Variants in PRKG1 observed in about 807,000 individuals in gnomAD.
The protein encoded by PRKG1 is cGMP-dependent protein kinase 1.
Under a neutral mutation model 88.1 loss-of-function variants are expected in PRKG1, and 35 were observed. The ratio of observed to expected loss-of-function variants is 0.40; its 90% confidence interval spans 0.30 to 0.53. PRKG1 has a LOEUF of 0.53. Ranked by LOEUF, PRKG1 falls within the 20% of genes least tolerant of loss-of-function variation. The pLI is 0.59. For missense variants in PRKG1, 540 were observed against 839.8 expected (o/e 0.64, Z 4.41); for synonymous variants, 303 against 292.5 (o/e 1.04, Z -0.37).
intron 2 of PRKG1, among the ~76,000 whole-genome samples, chr10:51,451,655 A>G (rs561715628): frequency 6.6e-6 from 1 of 152,144 alleles, no homozygotes; most frequent in African/African-American, 2.4e-5. Flanking sequence ...TCTTTGCAGT[A>G]TAGTTTGATA....
At chr10:51,268,769 G>A (rs921393016) in intron 2 of PRKG1, among the ~76,000 whole-genome samples, 13 of 152,150 alleles carry the variant, frequency 8.5e-5, no homozygotes, top group African/African-American at 3.1e-4. Context: ...AGAGATTAAA[G>A]TAAAGACAGG....
intron 9 of PRKG1, among the ~76,000 whole-genome samples, chr10:52,182,911 G>A (rs115959273): frequency 1.3e-5 from 2 of 152,302 alleles, no homozygotes; most frequent in African/African-American, 2.4e-5. Context: ...TATGGCACTA[G>A]CACCTGCTTA....
At chr10:52,239,482 AG>A (rs1421498466) in intron 9 of PRKG1, among the ~76,000 whole-genome samples, 3 of 144,636 alleles carry the variant, frequency 2.1e-5, no homozygotes, top group Non-Finnish European at 3.0e-5. Context: ...AATATATATG[AG>A]GAAAAAAATA....
chr10:51,807,089 C>G lies in PRKG1; in HGVS notation c.698+2399C>G, dbSNP rs139743474. ...CCTTAAGCTTATTTCTACTTCTAGA[C>G]TATAAGCTGTTTAGAACTAGGGTTA... is the stretch of plus-strand genomic sequence containing the variant. On this transcript the variant is annotated intron_variant, in intron 4 of 17. Coordinates refer to ENST00000373980, the MANE Select transcript of PRKG1 (RefSeq NM_006258.4). 2.3e-4 allele frequency among the ~76,000 whole-genome samples: 35 copies of G among 152,276 alleles called. No homozygotes were observed. The East Asian group carries it at 6.8e-3, about 29-fold the overall frequency.
At chr10:51,776,571 A>G (rs1838442452) in intron 3 of PRKG1, among the ~76,000 whole-genome samples, 2 of 152,124 alleles carry the variant, frequency 1.3e-5, no homozygotes, top group East Asian at 1.9e-4. Flanking sequence ...ATGCCTGTAA[A>G]CCCAGTACTT....
At position 51,800,704 on chromosome 10, in the gene PRKG1, G is replaced by T. The variant is rs1839149341; in HGVS notation, c.593-3881G>T. 5.9e-5 allele frequency among the ~76,000 whole-genome samples: 9 copies of T among 152,220 alleles called. No individual in the cohort carries two copies. The South Asian group carries it at 1.7e-3, about 28-fold the overall frequency. On this transcript the variant is annotated intron_variant, in intron 3 of 17. Coordinates refer to ENST00000373980, the MANE Select transcript of PRKG1 (RefSeq NM_006258.4). Reference sequence around the variant, plus strand: ...ATAGTTCTGGAGGCTAGAAGCCCAAGATAAGGGTACCAGAGAGGCTGGCTT... The same window carrying T: ...ATAGTTCTGGAGGCTAGAAGCCCAATATAAGGGTACCAGAGAGGCTGGCTT...
intron 2 of PRKG1, among the ~76,000 whole-genome samples, chr10:51,241,830 A>G (rs2132125647): frequency 6.6e-6 from 1 of 152,248 alleles, no homozygotes; most frequent in African/African-American, 2.4e-5. Context: ...ACCTGATGAA[A>G]ACACCCTTAA....
At chr10:51,080,275 C>T (rs969900052) in intron 1 of PRKG1, among the ~76,000 whole-genome samples, 106 of 152,294 alleles carry the variant, frequency 7.0e-4, no homozygotes, top group African/African-American at 2.5e-3. Flanking sequence ...TAGAATGGCT[C>T]TACTACCTGC....
At chr10:51,514,479 T>C (rs1469993468) in intron 3 of PRKG1, among the ~76,000 whole-genome samples, 1 of 152,174 alleles carries the variant, frequency 6.6e-6, no homozygotes, top group African/African-American at 2.4e-5. Flanking sequence ...AGTAAGATAT[T>C]GATTAGCCTC....
intron 1 of PRKG1, among the ~76,000 whole-genome samples, chr10:51,012,352 C>T (rs562930798): frequency 7.2e-5 from 11 of 152,290 alleles, no homozygotes; most frequent in Non-Finnish European, 1.3e-4. Flanking sequence ...AAAATCTTAA[C>T]GTCTTAAGGT....
chr10:51,191,912 A>G (rs1033723376), intron 2 of PRKG1, among the ~76,000 whole-genome samples: 3 of 151,852 alleles, frequency 2.0e-5, no homozygotes, highest in Admixed American at 6.6e-5. Context: ...CAAAATGAAC[A>G]GCAAATAAAG....
At chr10:51,079,774 A>AC (rs761917387) in intron 1 of PRKG1, among the ~76,000 whole-genome samples, 16 of 152,050 alleles carry the variant, frequency 1.1e-4, no homozygotes, top group Non-Finnish European at 2.1e-4. Flanking sequence ...CAGCTTTCTT[A>AC]CCCCCACCAT....
chr10:52,068,014 C>T (rs1846397892), intron 7 of PRKG1, among the ~76,000 whole-genome samples: 1 of 112,264 alleles, frequency 8.9e-6, no homozygotes, highest in Admixed American at 9.5e-5. Flanking sequence ...ACCATCCTGG[C>T]TAACACGGTG....
intron 4 of PRKG1, among the ~76,000 whole-genome samples, chr10:51,833,700 A>C (rs773455526): frequency 1.3e-5 from 2 of 152,200 alleles, no homozygotes; most frequent in African/African-American, 2.4e-5. Context: ...TTGTGGTGAG[A>C]ACATTAAAAA....
rs1839010809 is a variant in PRKG1, at chr10:51,615,030, T to A, written c.592+147194T>A. Among the ~76,000 whole-genome samples the A allele has an allele frequency of 4.8e-5, 3 of 62,088 alleles. No individual in the cohort carries two copies. The South Asian group carries it at 2.4e-3, about 49-fold the overall frequency. 40.7% of individuals were successfully genotyped at this position (62,088 alleles called of 152,430 possible). ...ATATATTCAACTTTGAATATATCCA[T>A]CTTTGAATATATTCAACTTTGAATA... On this transcript the variant is annotated intron_variant, in intron 3 of 17. Coordinates refer to ENST00000373980, the MANE Select transcript of PRKG1 (RefSeq NM_006258.4).
intron 2 of PRKG1, among the ~76,000 whole-genome samples, chr10:51,199,657 G>A (rs1837861192): frequency 6.6e-6 from 1 of 152,176 alleles, no homozygotes; most frequent in South Asian, 2.1e-4. Flanking sequence ...AGTTGAAAGT[G>A]AGGTCGGGGT....
In PRKG1 at chr10:51,946,846, C is replaced by T. The variant is rs185977822; in HGVS notation, c.762+39276C>T. On this transcript the variant is annotated intron_variant, in intron 5 of 17. Transcript: ENST00000373980. ...GTTTTGTCTCAGAGGAGTACCCAGC[C>T]GTGTGAGGTGTCAGTCTACCCCTAC... 2.2e-4 allele frequency among the ~76,000 whole-genome samples: 33 copies of T among 152,102 alleles called. No homozygotes were observed. In the East Asian group the frequency reaches 5.3e-3, roughly 24 times the overall value.
intron 5 of PRKG1, among the ~76,000 whole-genome samples, chr10:52,013,716 G>C (rs1316690400): frequency 1.3e-5 from 2 of 152,216 alleles, no homozygotes; most frequent in East Asian, 3.9e-4. Flanking sequence ...TTTAATGTGT[G>C]TTTGAAGTGG....
intron 8 of PRKG1, among the ~76,000 whole-genome samples, chr10:52,154,586 C>T (rs1253991857): frequency 6.6e-6 from 1 of 152,134 alleles, no homozygotes; most frequent in Non-Finnish European, 1.5e-5. Context: ...GTAGGAAAAT[C>T]TCAAAACACT....
Sources: gnomAD v4.1 joint callset for allele counts (sites outside exome capture counted in the v4.1 genomes callset) on GRCh38, gnomAD v4.1.1 for gene constraint, MANE v1.5 for transcripts, NCBI Gene and HGNC (gene_info 2026-07-23, HGNC 2026-07-21) for gene names.